The following ULK4 variants were observed in gnomAD, a reference collection of about 807,000 sequenced individuals.
The protein encoded by ULK4 is unc-51 like kinase 4, also known as inactive serine/threonine-protein kinase ULK4.
Under a neutral mutation model 160.6 loss-of-function variants are expected in ULK4, and 133 were observed. That is an observed-to-expected ratio of 0.83 (90% CI 0.72 to 0.96). The LOEUF is 0.96. ULK4 is among the 40% of genes least tolerant of loss of function. The pLI is 0.00. For missense variants in ULK4, 1,580 were observed against 1,499.5 expected (o/e 1.05, Z -0.89); for synonymous variants, 534 against 539.8 (o/e 0.99, Z 0.15).
chr3:41,922,080 G>C (rs1180991334), intron 5 of ULK4, among the ~76,000 whole-genome samples: 1 of 152,102 alleles, frequency 6.6e-6, no homozygotes, highest in Non-Finnish European at 1.5e-5. Flanking sequence ...ATGAACCCAG[G>C]AGGCGGAGCT....
At chr3:41,846,544 C>G (rs1312651991) in intron 17 of ULK4, among the ~76,000 whole-genome samples, 1 of 152,102 alleles carries the variant, frequency 6.6e-6, no homozygotes, top group Non-Finnish European at 1.5e-5. Flanking sequence ...GTGGCTCACA[C>G]CTGTAATCCC....
chr3:41,707,576 A>C (rs2036943219), intron 25 of ULK4, among the ~76,000 whole-genome samples: 1 of 152,216 alleles, frequency 6.6e-6, no homozygotes, highest in South Asian at 2.1e-4. Context: ...TCACACCTAC[A>C]ATCCCAGCAC....
At chr3:41,449,577 C>G (rs2083380722) in intron 34 of ULK4, among the ~76,000 whole-genome samples, 1 of 152,034 alleles carries the variant, frequency 6.6e-6, no homozygotes, top group Admixed American at 6.6e-5. Flanking sequence ...CACCATAAAC[C>G]ATAATCACCA....
At chr3:41,302,851 T>C (rs1409608075) in intron 35 of ULK4, among the ~76,000 whole-genome samples, 1 of 152,210 alleles carries the variant, frequency 6.6e-6, no homozygotes, top group Non-Finnish European at 1.5e-5. Context: ...GCTCTATATA[T>C]GTCAAATTTT....
Position 41,249,409 on chromosome 3 carries a change from G to A in ULK4, c.3764+80C>T, listed in dbSNP as rs145768774. ...TAGTCCCTGGTGTGGAGGGAGATGAGTGGGAGGAGTGGAGAAAGGAATGGC... is the reference window on the plus strand; with the variant it reads ...TAGTCCCTGGTGTGGAGGGAGATGAATGGGAGGAGTGGAGAAAGGAATGGC... On this transcript the variant is annotated intron_variant, in intron 36 of 36. Transcript: ENST00000301831. 415 of 1,307,558 alleles carry A rather than the reference G, an allele frequency of 3.2e-4. 3 individuals carry two copies. The East Asian group carries it at 9.2e-3, about 29-fold the overall frequency. 81.0% of individuals were successfully genotyped at this position (1,307,558 alleles called of 1,614,324 possible).
intron 32 of ULK4, among the ~76,000 whole-genome samples, chr3:41,558,954 C>A (rs71615407): frequency 7.4e-6 from 1 of 135,474 alleles, no homozygotes; most frequent in African/African-American, 2.5e-5. Context: ...TATACATGTG[C>A]CATGCTGGTG....
intron 32 of ULK4, among the ~76,000 whole-genome samples, chr3:41,475,830 C>G (rs2084124636): frequency 6.6e-6 from 1 of 151,870 alleles, no homozygotes; most frequent in Non-Finnish European, 1.5e-5. Flanking sequence ...TATTTGCTTC[C>G]CTACTGTTTC....
At chr3:41,953,026 G>A (rs1230046616) in intron 2 of ULK4, among the ~76,000 whole-genome samples, 1 of 151,858 alleles carries the variant, frequency 6.6e-6, no homozygotes, top group Non-Finnish European at 1.5e-5. Flanking sequence ...AATGATAGTT[G>A]CCAAAAGCTG....
intron 22 of ULK4, among the ~76,000 whole-genome samples, chr3:41,744,658 T>G (rs2038356460): frequency 6.6e-6 from 1 of 151,740 alleles, no homozygotes; most frequent in Non-Finnish European, 1.5e-5. Flanking sequence ...ATAGAAATAT[T>G]AGAAAGAAAA....
At chr3:41,629,475 C>G (rs2033662577) in intron 30 of ULK4, among the ~76,000 whole-genome samples, 1 of 152,122 alleles carries the variant, frequency 6.6e-6, no homozygotes, top group Admixed American at 6.6e-5. Context: ...TCTAACCTAG[C>G]TTTGGAGGTC....
At chr3:41,943,982 C>T (rs1466259173) in intron 2 of ULK4, among the ~76,000 whole-genome samples, 1 of 152,188 alleles carries the variant, frequency 6.6e-6, no homozygotes, top group East Asian at 1.9e-4. Context: ...ACAGAACAGC[C>T]TTGTGCCTGT....
chr3:41,456,397 T>C (rs1413499478), intron 33 of ULK4, among the ~76,000 whole-genome samples: 1 of 110,996 alleles, frequency 9.0e-6, no homozygotes. Context: ...ACATACCAAG[T>C]GCATTCTGCT....
rs557983792 is a variant in ULK4, at chr3:41,423,979, G to A, written c.3493-25715C>T. On this transcript the variant is annotated intron_variant, in intron 34 of 36. Coordinates refer to ENST00000301831, the MANE Select transcript of ULK4 (RefSeq NM_017886.4). ...TCGGCTGGAGACAACCTAAGATTACGGAGTTCTTGTGGGGAGGGGTGGTCA... is the reference window on the plus strand; with the variant it reads ...TCGGCTGGAGACAACCTAAGATTACAGAGTTCTTGTGGGGAGGGGTGGTCA... Among the ~76,000 whole-genome samples the A allele has an allele frequency of 3.0e-4, 46 of 152,200 alleles. 3 individuals carry two copies. In the South Asian group the frequency reaches 9.1e-3, roughly 30 times the overall value.
intron 29 of ULK4, among the ~76,000 whole-genome samples, chr3:41,664,366 C>T (rs757712367): frequency 1.3e-5 from 2 of 152,142 alleles, no homozygotes; most frequent in Non-Finnish European, 2.9e-5. Context: ...ACGCGGAGGA[C>T]TAGAGGATGT....
chr3:41,830,852 T>C (rs1331769405), intron 18 of ULK4, among the ~76,000 whole-genome samples: 1 of 151,816 alleles, frequency 6.6e-6, no homozygotes, highest in Non-Finnish European at 1.5e-5. Flanking sequence ...ATACAAAACT[T>C]GTTAAGTTTG....
chr3:41,637,182 A>G (rs998833418), intron 30 of ULK4, among the ~76,000 whole-genome samples: 1 of 152,160 alleles, frequency 6.6e-6, no homozygotes, highest in Non-Finnish European at 1.5e-5. Context: ...GCTTTTGACC[A>G]GCATCTCCCC....
chr3:41,455,598 G>C lies in ULK4; in HGVS notation c.3394-3C>G. The C allele has an allele frequency of 6.2e-7, 1 of 1,613,510 alleles. No homozygotes were observed. The highest frequency in any genetic ancestry group is 1.7e-4 in the Middle Eastern group (1 of 6,056). On this transcript the variant is annotated splice_polypyrimidine_tract_variant and splice_region_variant and intron_variant, in intron 33 of 36. Transcript: ENST00000301831. ...TCTCCTGAGCCAGACTTCTGGGCCT[G>C]GAACAGAGAGAAGAGAAATGAAAGA... is the stretch of plus-strand genomic sequence containing the variant.
chr3:41,952,646 G>C (rs1700329887), intron 2 of ULK4, among the ~76,000 whole-genome samples: 1 of 152,078 alleles, frequency 6.6e-6, no homozygotes, highest in Non-Finnish European at 1.5e-5. Flanking sequence ...AGCTGCTGAG[G>C]AAAACAGTAT....
intron 34 of ULK4, among the ~76,000 whole-genome samples, chr3:41,415,144 C>T (rs2082495451): frequency 6.6e-6 from 1 of 152,194 alleles, no homozygotes; most frequent in Non-Finnish European, 1.5e-5. Flanking sequence ...GAAAGCATCA[C>T]TCATTTAAAA....
Sources: gnomAD v4.1 joint callset for allele counts (sites outside exome capture counted in the v4.1 genomes callset) on GRCh38, gnomAD v4.1.1 for gene constraint, MANE v1.5 for transcripts, NCBI Gene and HGNC (gene_info 2026-07-23, HGNC 2026-07-21) for gene names.